NKAIN3: variants seen among roughly 807,000 people sequenced by gnomAD.
NKAIN3 encodes the protein sodium/potassium-transporting ATPase subunit beta-1-interacting protein 3.
Under a neutral mutation model 30.2 loss-of-function variants are expected in NKAIN3, and 25 were observed. The ratio of observed to expected loss-of-function variants is 0.83; its 90% confidence interval spans 0.60 to 1.16. The LOEUF is 1.16. Among genes scored for constraint, NKAIN3 ranks in the 50% most tolerant of loss-of-function variants. The pLI, the probability that NKAIN3 is intolerant of heterozygous loss-of-function variation, is 0.00. For synonymous variants in NKAIN3, 91 were observed against 89.6 expected (o/e 1.02, Z -0.09); for missense variants, 225 against 254.1 (o/e 0.89, Z 0.78).
chr8:62,316,808 T>C (rs1814652202), intron 1 of NKAIN3, among the ~76,000 whole-genome samples: 1 of 152,192 alleles, frequency 6.6e-6, no homozygotes, highest in Non-Finnish European at 1.5e-5. Context: ...ATGGGATGGC[T>C]GGGTCAAATG....
chr8:62,279,949 A>C (rs1403172582), intron 1 of NKAIN3, among the ~76,000 whole-genome samples: 8 of 152,192 alleles, frequency 5.3e-5, no homozygotes, highest in African/African-American at 1.4e-4. Flanking sequence ...CATTGAATCT[A>C]TAAATTACCT....
intron 1 of NKAIN3, among the ~76,000 whole-genome samples, chr8:62,359,534 A>G (rs1816479811): frequency 6.6e-6 from 1 of 152,206 alleles, no homozygotes; most frequent in Non-Finnish European, 1.5e-5. Flanking sequence ...GCTTTGGTCC[A>G]AGGGAAGAGG....
intron 1 of NKAIN3, among the ~76,000 whole-genome samples, chr8:62,398,663 A>T (rs1224752439): frequency 6.6e-6 from 1 of 152,262 alleles, no homozygotes; most frequent in East Asian, 1.9e-4. Flanking sequence ...TCTTGCAGCA[A>T]TAAACTGTAG....
chr8:62,833,548 C>A (rs2130748756), intron 4 of NKAIN3, among the ~76,000 whole-genome samples: 1 of 152,128 alleles, frequency 6.6e-6, no homozygotes, highest in South Asian at 2.1e-4. Context: ...ATTATGAACA[C>A]CTTTATGCAC....
chr8:62,514,841 A>G (rs1227933882), intron 1 of NKAIN3, among the ~76,000 whole-genome samples: 4 of 152,146 alleles, frequency 2.6e-5, no homozygotes, highest in Non-Finnish European at 2.9e-5. Context: ...TCAACATTCA[A>G]AGTTGCAGTG....
intron 1 of NKAIN3, among the ~76,000 whole-genome samples, chr8:62,427,045 C>T (rs974074373): frequency 2.0e-5 from 3 of 152,016 alleles, no homozygotes; most frequent in Non-Finnish European, 4.4e-5. Context: ...GAGCTAGTGG[C>T]AGTGTTACTG....
At chr8:62,825,405 T>G (rs58323408) in intron 4 of NKAIN3, among the ~76,000 whole-genome samples, 5,266 of 152,248 alleles carry the variant, frequency 0.035, 321 homozygotes, top group African/African-American at 0.12. Context: ...ACTGAAAATA[T>G]TGAAAATGTT....
chr8:62,579,468 A>G, intron 1 of NKAIN3, 71 bp from the exon 2 acceptor site: 1 of 1,225,024 alleles, frequency 8.2e-7, no homozygotes, highest in South Asian at 1.9e-5. Context: ...TCCTCCAGCC[A>G]TGAGATAAAG....
At chr8:62,805,922 C>G (rs967091791) in intron 4 of NKAIN3, among the ~76,000 whole-genome samples, 10 of 152,234 alleles carry the variant, frequency 6.6e-5, no homozygotes, top group African/African-American at 1.9e-4. Context: ...GGGCTAATAT[C>G]CAGAATCTAC....
chr8:62,382,478 G>A (rs1817307064), intron 1 of NKAIN3, among the ~76,000 whole-genome samples: 1 of 152,066 alleles, frequency 6.6e-6, no homozygotes. Context: ...AGAAATACAT[G>A]ATAATTTCTG....
chr8:62,870,689 C>CTATA (rs1820607544), intron 4 of NKAIN3, among the ~76,000 whole-genome samples: 1 of 98,482 alleles, frequency 1.0e-5, no homozygotes, highest in African/African-American at 4.3e-5. Flanking sequence ...ATCTATATCT[C>CTATA]TCTATCTATA....
intron 1 of NKAIN3, among the ~76,000 whole-genome samples, chr8:62,335,448 A>AAGAAAGAAAG (rs1554668212): frequency 1.3e-5 from 2 of 150,532 alleles, no homozygotes; most frequent in African/African-American, 4.9e-5. Context: ...AAAAAAAAAA[A>AAGAAAGAAAG]AAAGAAAGAA....
chr8:62,433,617 T>A (rs1805082701), intron 1 of NKAIN3, among the ~76,000 whole-genome samples: 1 of 152,150 alleles, frequency 6.6e-6, no homozygotes, highest in Admixed American at 6.6e-5. Context: ...GATTTTTCCC[T>A]AAGCAAGTTC....
At chr8:62,272,053 G>A (rs1016098935) in intron 1 of NKAIN3, among the ~76,000 whole-genome samples, 1 of 152,168 alleles carries the variant, frequency 6.6e-6, no homozygotes, top group African/African-American at 2.4e-5. Context: ...TAGAATCATA[G>A]ATTCTACCAG....
At chr8:62,731,955 A>AT (rs200192526) in intron 3 of NKAIN3, among the ~76,000 whole-genome samples, 2,999 of 146,664 alleles carry the variant, frequency 0.02, 62 homozygotes, top group African/African-American at 0.053. Flanking sequence ...TTGAGATTTC[A>AT]TTTTTTTTTT....
At chr8:62,904,538 A>C (rs1821719328) in intron 4 of NKAIN3, among the ~76,000 whole-genome samples, 1 of 152,168 alleles carries the variant, frequency 6.6e-6, no homozygotes, top group South Asian at 2.1e-4. Flanking sequence ...GAACTTATTG[A>C]ATCATGGCAA....
rs1480060919 is a variant in NKAIN3, at chr8:62,756,874, C to T, written c.471+9745C>T. Among the ~76,000 whole-genome samples the T allele has an allele frequency of 2.0e-5, 3 of 152,294 alleles. No individual in the cohort carries two copies. The East Asian group carries it at 5.8e-4, about 29-fold the overall frequency. ...ATCGCTAAACAACAGAATTCAGTCT[C>T]TTGAGCCCTGATGCTCATGATTATC... On this transcript the variant is annotated intron_variant, in intron 4 of 6. Coordinates refer to ENST00000623646, the MANE Select transcript of NKAIN3 (RefSeq NM_001304533.3).
intron 1 of NKAIN3, among the ~76,000 whole-genome samples, chr8:62,337,887 G>C (rs576835268): frequency 6.6e-6 from 1 of 151,900 alleles, no homozygotes; most frequent in African/African-American, 2.4e-5. Context: ...AAGAAGATGC[G>C]GAGGTCAACA....
At chr8:62,782,781 G>C (rs1196178651) in intron 4 of NKAIN3, among the ~76,000 whole-genome samples, 2 of 149,288 alleles carry the variant, frequency 1.3e-5, no homozygotes, top group Admixed American at 6.8e-5. Flanking sequence ...ACGAGATAAT[G>C]GATAGAGTGG....
Sources: gnomAD v4.1 joint callset for allele counts (sites outside exome capture counted in the v4.1 genomes callset) on GRCh38, gnomAD v4.1.1 for gene constraint, MANE v1.5 for transcripts, NCBI Gene and HGNC (gene_info 2026-07-23, HGNC 2026-07-21) for gene names.